The following METTL14 variants were observed in gnomAD, a reference collection of about 807,000 sequenced individuals.
The protein encoded by METTL14 is methyltransferase 14, N6-adenosine-methyltransferase non-catalytic subunit, also known as N(6)-adenosine-methyltransferase non-catalytic subunit METTL14.
In METTL14, 32 loss-of-function variants were observed where a neutral mutation model predicts 62.4. That is an observed-to-expected ratio of 0.51 (90% CI 0.39 to 0.69). The LOEUF (loss-of-function observed/expected upper bound fraction) is 0.69, where lower values mean the gene tolerates loss of function less well. Among genes scored for constraint, METTL14 ranks in the 30% least tolerant of loss-of-function variants. The pLI, the probability that METTL14 is intolerant of heterozygous loss-of-function variation, is 0.00. For synonymous variants in METTL14, 150 were observed against 180.0 expected, an observed-to-expected ratio of 0.83 and a Z score of 1.34; for missense variants, 340 against 551.9, an observed-to-expected ratio of 0.62 and a Z score of 3.85.
rs1724885185 is a variant in METTL14 at position 118,710,419 on chromosome 4, C to T, written c.*117C>T. The stretch of plus-strand genomic sequence containing the variant: ...CAGCTTGCACTTTGCTTTAATTTCT[C>T]TGAGCTGCAAGAATGTCTTAGCGAG... On this transcript the variant is annotated 3_prime_UTR_variant, in exon 11 of 11. Transcript: ENST00000388822. The T allele has an allele frequency of 9.8e-7, 1 of 1,022,668 alleles. No homozygotes were observed. Among genetic ancestry groups the T allele is most frequent in the Admixed American group, 2.9e-5 (1 of 34,390 alleles). The allele number at this position is 1,022,668 out of a possible 1,614,324, so 63.3% of individuals were successfully genotyped here. A position where few individuals can be genotyped will look rare whatever the true frequency, so the allele number is the denominator to read the frequency against.
Position 118,688,004 on chromosome 4 carries a change from A to T in METTL14, c.148A>T (p.Thr50Ser). Reference protein sequence around the residue: ...EQREIAETRETCRASYDTSAP... With the variant: ...EQREIAETRESCRASYDTSAP... ...GAGAGAAATTGCTGAAACAAGAGAA[A>T]CTTGCAGGTCAGTCAGATAATTCTT... is the stretch of plus-strand genomic sequence containing the variant. The change falls in exon 2 of 11, where the codon ACT (threonine) becomes TCT (serine). Residue 50 changes from threonine (T) to serine (S), a missense_variant. Thr to Ser is a moderately conservative substitution (Grantham distance 58). Coordinates refer to ENST00000388822, the MANE Select transcript of METTL14 (RefSeq NM_020961.4). The T allele has an allele frequency of 1.2e-6, 2 of 1,608,462 alleles. No homozygotes were observed. The highest frequency in any genetic ancestry group is 1.7e-6 in the Non-Finnish European group (2 of 1,176,456).
chr4:118,697,446 TAG>T, intron 7 of METTL14, 123 bp downstream of exon 7: 3 of 831,364 alleles, frequency 3.6e-6, no homozygotes, highest in Non-Finnish European at 5.3e-6. Flanking sequence ...TGTAGATTTA[TAG>T]TGTAAATTAT....
At position 118,700,649 on chromosome 4, in the gene METTL14, T is replaced by C. The variant is rs112994778; in HGVS notation, c.738+7T>C. 0.013 allele frequency: 20,292 copies of C among 1,586,848 alleles called. 166 individuals are homozygous for C. The highest frequency in any genetic ancestry group is 0.015 in the Non-Finnish European group (17,923 of 1,165,120). ...GTTGGACCTTGGAAGAGTGGTAAGA[T>C]GGTGCTTTTATAAAGTGGATTTTTA... On this transcript the variant is annotated splice_region_variant and intron_variant, in intron 8 of 10. Coordinates refer to ENST00000388822, the MANE Select transcript of METTL14 (RefSeq NM_020961.4).
chr4:118,698,284 C>G (rs1048749737), intron 7 of METTL14, among the ~76,000 whole-genome samples: 3 of 151,656 alleles, frequency 2.0e-5, no homozygotes, highest in African/African-American at 7.3e-5. Flanking sequence ...GAAACCCTAT[C>G]TCTACTAAAA....
intron 6 of METTL14, 70 bp downstream of exon 6, chr4:118,694,596 AC>A: frequency 8.8e-7 from 1 of 1,134,000 alleles, no homozygotes; most frequent in Non-Finnish European, 1.3e-6. Flanking sequence ...TTATCCTATA[AC>A]CTTTTTTCTT....
intron 6 of METTL14, among the ~76,000 whole-genome samples, chr4:118,695,968 G>A (rs1724396220): frequency 1.3e-5 from 2 of 151,344 alleles, no homozygotes; most frequent in African/African-American, 4.9e-5. Context: ...AAATTAGCTG[G>A]GTGTGGTGGC....
At position 118,685,532 on chromosome 4, in the gene METTL14, A is replaced by G; in HGVS notation, c.-3A>G. 6 of 1,614,086 alleles carry G rather than the reference A, an allele frequency of 3.7e-6. No homozygotes were observed. The highest frequency in any genetic ancestry group is 1.3e-5 in the African/African-American group (1 of 75,040). ...CGGGATAGTGAAAAGCCGGAGTTGG[A>G]ACATGGATAGCCGCTTGCAGGAGAT... On this transcript the variant is annotated 5_prime_UTR_variant, in exon 1 of 11. Coordinates refer to ENST00000388822, the MANE Select transcript of METTL14 (RefSeq NM_020961.4).
intron 10 of METTL14, among the ~76,000 whole-genome samples, chr4:118,707,761 A>T (rs937445289): frequency 1.3e-5 from 2 of 151,682 alleles, no homozygotes; most frequent in African/African-American, 4.8e-5. Context: ...CATATACCTT[A>T]GGAATACAAT....
chr4:118,694,002 T>C (rs893346019), intron 5 of METTL14, among the ~76,000 whole-genome samples: 1 of 152,014 alleles, frequency 6.6e-6, no homozygotes, highest in African/African-American at 2.4e-5. Flanking sequence ...TCATTTTCTT[T>C]GCTTTGAATA....
chr4:118,688,226 C>T (rs894003405), intron 2 of METTL14, among the ~76,000 whole-genome samples: 3 of 151,856 alleles, frequency 2.0e-5, no homozygotes, highest in African/African-American at 7.3e-5. Flanking sequence ...CCCAGGAAGT[C>T]GGGAGTTCGA....
At position 118,703,989 on chromosome 4, in the gene METTL14, A is replaced by G. The variant is rs778026723; in HGVS notation, c.793A>G (p.Asn265Asp). 20 of 1,596,614 alleles carry G rather than the reference A, an allele frequency of 1.3e-5. No individual in the cohort carries two copies. In the South Asian group the frequency reaches 2.0e-4, roughly 16 times the overall value. Residue 265 changes from asparagine to aspartate, a missense_variant, in exon 9 of 11, where the codon AAT becomes GAT. Physicochemically the swap from Asn to Asp is conservative, Grantham distance 23. Transcript: ENST00000388822. ...TGAAGATATTTGTTGGATTAAAACCAATAAAAACAATCCTGGGAAGACTAA... is the reference window on the plus strand; with the variant it reads ...TGAAGATATTTGTTGGATTAAAACCGATAAAAACAATCCTGGGAAGACTAA... The part of the protein sequence containing the change: ...RCEDICWIKT[N>D]KNNPGKTKTL...
intron 7 of METTL14, among the ~76,000 whole-genome samples, chr4:118,699,678 C>T (rs1560881405): frequency 6.6e-6 from 1 of 152,114 alleles, no homozygotes; most frequent in Non-Finnish European, 1.5e-5. Flanking sequence ...AGTGAAGGTA[C>T]AAGAACTTCA....
Position 118,711,406 on chromosome 4 carries a change from T to C in METTL14, c.*1104T>C, listed in dbSNP as rs1724918241. 2 of 152,216 alleles carry C rather than the reference T, an allele frequency of 1.3e-5. No individual in the cohort carries two copies. Among genetic ancestry groups the C allele is most frequent in the African/African-American group, 4.8e-5 (2 of 41,460 alleles). The allele number at this position is 152,216 out of a possible 1,614,324, so 9.4% of individuals were successfully genotyped here. On this transcript the variant is annotated 3_prime_UTR_variant, in exon 11 of 11. Transcript: ENST00000388822. ...CTATTATCATTCTTGATGAATACTT[T>C]TCTTATTTTTATGATTTTTCTAATG...
At chr4:118,695,506 AC>A (rs762122951) in intron 6 of METTL14, among the ~76,000 whole-genome samples, 21 of 152,044 alleles carry the variant, frequency 1.4e-4, no homozygotes, top group Non-Finnish European at 2.8e-4. Flanking sequence ...CCGAGATCGC[AC>A]CATTGCACTT....
rs1179969224 is a variant in METTL14, at chr4:118,714,562, G to A, written c.*4260G>A. The A allele has an allele frequency of 1.3e-5, 2 of 152,058 alleles. No homozygotes were observed. The highest frequency in any genetic ancestry group is 4.8e-5 in the African/African-American group (2 of 41,396). The allele number at this position is 152,058 out of a possible 1,614,324, so 9.4% of individuals were successfully genotyped here. ...ATAGAACTAAAAAAAATTTAACTTGGCTAACAAAATACCACATGCATATTT... is the reference window on the plus strand; with the variant it reads ...ATAGAACTAAAAAAAATTTAACTTGACTAACAAAATACCACATGCATATTT... On this transcript the variant is annotated 3_prime_UTR_variant, in exon 11 of 11. Transcript: ENST00000388822.
At chr4:118,706,404 A>G (rs997931014) in intron 10 of METTL14, among the ~76,000 whole-genome samples, 11 of 152,190 alleles carry the variant, frequency 7.2e-5, no homozygotes, top group East Asian at 1.9e-4. Flanking sequence ...AGATTTCTCC[A>G]TTCCTTTTCA....
At chr4:118,707,450 G>C (rs1370751663) in intron 10 of METTL14, among the ~76,000 whole-genome samples, 2 of 151,996 alleles carry the variant, frequency 1.3e-5, no homozygotes, top group East Asian at 3.9e-4. Context: ...GATCACTTGA[G>C]GTCAGGAGTT....
rs1239539019 is a variant in METTL14, at chr4:118,705,634, A to G, written c.879A>G (p.Lys293=). The change falls in exon 10 of 11, where the codon AAA becomes AAG. Residue 293 remains lysine (K), a synonymous_variant. Coordinates refer to ENST00000388822, the MANE Select transcript of METTL14 (RefSeq NM_020961.4). ...AGGAACACTGCCTCATGGGGATCAA[A>G]GGAACTGTGAAGCGTAGCACAGACG... ...RTKEHCLMGI[K]GTVKRSTDGD... is the part of the protein sequence containing the mutation. 1.9e-6 allele frequency: 3 copies of G among 1,614,194 alleles called. No individual in the cohort carries two copies. The Admixed American group carries it at 5.0e-5, about 27-fold the overall frequency.
At chr4:118,704,272 C>T (rs1220774719) in intron 9 of METTL14, among the ~76,000 whole-genome samples, 1 of 152,106 alleles carries the variant, frequency 6.6e-6, no homozygotes, top group Non-Finnish European at 1.5e-5. Context: ...GTATATATTC[C>T]TCCATGTCCT....
Sources: allele counts gnomAD v4.1 joint callset (sites outside exome capture counted in the v4.1 genomes callset), GRCh38; gene constraint gnomAD v4.1.1; transcripts MANE v1.5; gene names NCBI Gene and HGNC (gene_info 2026-07-23, HGNC 2026-07-21).